The following PALS2 variants were observed in gnomAD, a reference collection of about 807,000 sequenced individuals.
PALS2 encodes the protein protein associated with LIN7 2, MAGUK p55 family member, also known as protein PALS2.
PALS2 carries 27 observed loss-of-function variants against 61.6 expected under a neutral mutation model. The ratio of observed to expected loss-of-function variants is 0.44; its 90% CI spans 0.32 to 0.60. The LOEUF is 0.60. Among genes scored for constraint, PALS2 ranks in the 20% least tolerant of loss-of-function variants. The probability of loss-of-function intolerance (pLI) is 0.05; values close to 1 mark genes in which losing one functional copy is unlikely to be tolerated. For missense variants in PALS2, 554 were observed against 639.4 expected (o/e 0.87, Z 1.44); for synonymous variants, 236 against 218.6 (o/e 1.08, Z -0.70).
At position 24,691,405 on chromosome 7, in the gene PALS2, G is replaced by GTGTGTGTGTGTGTGTATATATATA. The variant is rs1274329385; in HGVS notation, c.*3792_*3793insGTGTGTGTGTGTGTATATATATAT. 7 of 110,596 alleles carry GTGTGTGTGTGTGTGTATATATATA rather than the reference G, an allele frequency of 6.3e-5. No homozygotes were observed. The highest frequency in any genetic ancestry group is 1.9e-4 in the African/African-American group (6 of 32,382). 6.9% of individuals were successfully genotyped at this position (110,596 alleles called of 1,614,324 possible). A position where few individuals can be genotyped will look rare whatever the true frequency, so the allele number is the denominator to read the frequency against. ...ATATTATGTATGTGTGTGTGTGTGT[G>GTGTGTGTGTGTGTGTATATATATA]TATATATATATATATATATATATAT... On this transcript the variant is annotated 3_prime_UTR_variant, in exon 12 of 12. Coordinates refer to ENST00000222644, the MANE Select transcript of PALS2 (RefSeq NM_001303037.2).
chr7:24,659,851 G>A (rs1030687556), intron 5 of PALS2, among the ~76,000 whole-genome samples: 6 of 152,188 alleles, frequency 3.9e-5, no homozygotes, highest in African/African-American at 1.4e-4. Context: ...AACAGAGGGA[G>A]TCCCTCACAA....
At chr7:24,587,302 T>A (rs1462102030) in intron 1 of PALS2, among the ~76,000 whole-genome samples, 1 of 151,950 alleles carries the variant, frequency 6.6e-6, no homozygotes, top group Non-Finnish European at 1.5e-5. Context: ...AGAGGAACTT[T>A]TAAATTATTA....
intron 2 of PALS2, among the ~76,000 whole-genome samples, chr7:24,625,150 G>C (rs964535794): frequency 5.9e-5 from 9 of 151,898 alleles, no homozygotes; most frequent in Non-Finnish European, 1.2e-4. Flanking sequence ...ATAGCTCCAG[G>C]GTCTGTTGAA....
chr7:24,677,848 A>T (rs914590816), intron 9 of PALS2, among the ~76,000 whole-genome samples: 7 of 152,216 alleles, frequency 4.6e-5, no homozygotes, highest in African/African-American at 1.7e-4. Flanking sequence ...CCAGAAAACA[A>T]GGGGAAAACA....
intron 2 of PALS2, among the ~76,000 whole-genome samples, chr7:24,630,328 C>G (rs1008695681): frequency 6.6e-6 from 1 of 151,748 alleles, no homozygotes; most frequent in Admixed American, 6.6e-5. Flanking sequence ...CGATCCCTGT[C>G]GGGGGTTTGG....
At chr7:24,593,901 A>G (rs1480849401) in intron 1 of PALS2, among the ~76,000 whole-genome samples, 1 of 152,138 alleles carries the variant, frequency 6.6e-6, no homozygotes, top group Non-Finnish European at 1.5e-5. Context: ...GTTTGCCTCT[A>G]ACTAAAGAGT....
rs746714576 is a variant in PALS2 at position 24,641,744 on chromosome 7, T to G, written c.146T>G (p.Leu49Arg). 5.0e-6 allele frequency: 8 copies of G among 1,611,834 alleles called. No homozygotes were observed. The East Asian group carries it at 1.8e-4, about 36-fold the overall frequency. ...KAHERLEDSK[L>R]EAVSDNNLEL... Reference sequence around the variant, plus strand: ...CATGAGAGGCTAGAAGATTCCAAACTAGAAGCTGTCAGTGACAATAACTTG... The same window carrying G: ...CATGAGAGGCTAGAAGATTCCAAACGAGAAGCTGTCAGTGACAATAACTTG... The change falls in exon 3 of 12, where the codon CTA (leucine) becomes CGA (arginine). Residue 49 changes from leucine (L) to arginine (R), a missense_variant. Physicochemically the swap from Leu to Arg is moderately radical, Grantham distance 102. Transcript: ENST00000222644.
At chr7:24,680,589 A>G in intron 11 of PALS2, 69 bp downstream of exon 11, 1 of 1,495,750 alleles carries the variant, frequency 6.7e-7, no homozygotes. Flanking sequence ...ACTGTTATCT[A>G]ATTTATTTTT....
chr7:24,624,064 C>A, intron 2 of PALS2: 1 of 1,338,986 alleles, frequency 7.5e-7, no homozygotes, highest in Middle Eastern at 2.0e-4. Flanking sequence ...TTTAACAGGG[C>A]CTGTGAAAAA....
At chr7:24,627,677 A>G (rs947405906) in intron 2 of PALS2, among the ~76,000 whole-genome samples, 4 of 152,200 alleles carry the variant, frequency 2.6e-5, no homozygotes, top group African/African-American at 9.7e-5. Context: ...AAAAATGGTA[A>G]AGGGGATACC....
At chr7:24,685,901 C>T (rs1440341296) in intron 11 of PALS2, among the ~76,000 whole-genome samples, 1 of 152,090 alleles carries the variant, frequency 6.6e-6, no homozygotes, top group Non-Finnish European at 1.5e-5. Context: ...TACATTCATG[C>T]CATTGTTATG....
chr7:24,674,551 A>T (rs1159780920), intron 9 of PALS2: 1 of 152,238 alleles, frequency 6.6e-6, no homozygotes, highest in African/African-American at 2.4e-5. Flanking sequence ...ATGCTGCTGG[A>T]CAACTGGCAC....
intron 9 of PALS2, among the ~76,000 whole-genome samples, chr7:24,677,257 TAAG>T (rs1216390865): frequency 2.0e-5 from 3 of 152,172 alleles, no homozygotes; most frequent in Admixed American, 6.5e-5. Flanking sequence ...CTTATCAGCT[TAAG>T]GAGATTTTGG....
At chr7:24,582,862 A>G (rs1194486123) in intron 1 of PALS2, among the ~76,000 whole-genome samples, 1 of 95,514 alleles carries the variant, frequency 1.0e-5, no homozygotes. Flanking sequence ...AAAGTTGCTT[A>G]TTTTTGAAAT....
intron 5 of PALS2, among the ~76,000 whole-genome samples, chr7:24,659,724 T>A (rs1786616773): frequency 6.6e-6 from 1 of 152,222 alleles, no homozygotes; most frequent in African/African-American, 2.4e-5. Flanking sequence ...AACTTCTATA[T>A]ATAGTTCCCT....
At chr7:24,653,750 T>C (rs1023577579) in intron 5 of PALS2, among the ~76,000 whole-genome samples, 4 of 152,260 alleles carry the variant, frequency 2.6e-5, no homozygotes, top group Admixed American at 2.0e-4. Context: ...TAAAGAGGTA[T>C]GTCTGCAAAC....
rs184791562 is a variant in PALS2 at position 24,580,605 on chromosome 7, A to G, written c.-3+7012A>G. The stretch of plus-strand genomic sequence containing the variant: ...TCAGGCATGGTTCTCCAAGGAAGCC[A>G]TCATTAGGTGGCCTCATCCATAATT... On this transcript the variant is annotated intron_variant, in intron 1 of 11. Transcript: ENST00000222644. Among the ~76,000 whole-genome samples the G allele has an allele frequency of 1.3e-4, 20 of 152,306 alleles. No individual in the cohort carries two copies. The East Asian group carries it at 1.7e-3, about 13-fold the overall frequency.
chr7:24,647,819 T>C (rs1161592923), intron 3 of PALS2, among the ~76,000 whole-genome samples: 1 of 152,204 alleles, frequency 6.6e-6, no homozygotes, highest in Non-Finnish European at 1.5e-5. Context: ...TGTTTTAATC[T>C]TTTACAATCC....
At chr7:24,669,991 C>G (rs1229051213) in intron 9 of PALS2, among the ~76,000 whole-genome samples, 1 of 152,032 alleles carries the variant, frequency 6.6e-6, no homozygotes, top group Admixed American at 6.5e-5. Context: ...AAAAATAACC[C>G]CTTCTCTTCC....
Sources: allele counts gnomAD v4.1 joint callset (sites outside exome capture counted in the v4.1 genomes callset), GRCh38; gene constraint gnomAD v4.1.1; transcripts MANE v1.5; gene names NCBI Gene and HGNC (gene_info 2026-07-23, HGNC 2026-07-21).